The following GPHN variants were observed in gnomAD, a reference collection of about 807,000 sequenced individuals.
GPHN encodes the protein gephyrin.
In GPHN, 17 loss-of-function variants were observed where a neutral mutation model predicts 95.5. The ratio of observed to expected loss-of-function variants is 0.18; its 90% CI spans 0.12 to 0.27. The LOEUF is 0.27. GPHN is among the 10% of genes least tolerant of loss of function. GPHN has a pLI of 1.00. For missense variants in GPHN, 660 were observed against 978.1 expected, an observed-to-expected ratio of 0.67 and a Z score of 4.34; for synonymous variants, 320 against 322.5, an observed-to-expected ratio of 0.99 and a Z score of 0.08.
At chr14:66,942,518 T>C (rs927200914) in intron 8 of GPHN, among the ~76,000 whole-genome samples, 2 of 152,210 alleles carry the variant, frequency 1.3e-5, no homozygotes, top group Non-Finnish European at 2.9e-5. Flanking sequence ...AATAACAAAA[T>C]GTCCAGGGTA....
chr14:67,573,129 C>G, the GPHN span: 1 of 603,750 alleles, frequency 1.7e-6, no homozygotes, highest in Non-Finnish European at 3.0e-6. The surrounding 1 kb of genome is among the most constrained non-coding windows in gnomAD (Gnocchi z 4.8). Context: ...GGGCATGGTA[C>G]TCTGAAAATA....
intron 5 of GPHN, among the ~76,000 whole-genome samples, chr14:66,895,077 T>C (rs193061165): frequency 0.012 from 1,833 of 152,330 alleles, 19 homozygotes; most frequent in Non-Finnish European, 0.018. Context: ...ATTGCGGCAC[T>C]ATTCACAATA....
chr14:67,648,062 C>A, the GPHN span: 2 of 1,612,456 alleles, frequency 1.2e-6, no homozygotes, highest in Non-Finnish European at 1.7e-6. Context: ...AAAGACCAAT[C>A]CATTTGAGTT....
chr14:66,901,979 T>G (rs539561145), intron 5 of GPHN, among the ~76,000 whole-genome samples: 2 of 152,186 alleles, frequency 1.3e-5, no homozygotes, highest in East Asian at 3.9e-4. Context: ...TATGGTCATT[T>G]TAACAATATT....
intron 1 of GPHN, among the ~76,000 whole-genome samples, chr14:66,512,620 A>G (rs567005159): frequency 6.6e-6 from 1 of 151,920 alleles, no homozygotes; most frequent in Non-Finnish European, 1.5e-5. Context: ...AGATACTGGA[A>G]CAAATATAAG....
chr14:66,550,935 C>T (rs1446543079), intron 1 of GPHN: 1 of 153,042 alleles, frequency 6.5e-6, no homozygotes, highest in Non-Finnish European at 1.5e-5. Context: ...CGGCTCACTG[C>T]AAGCTCCACC....
At chr14:66,699,742 A>C (rs995703169) in intron 2 of GPHN, among the ~76,000 whole-genome samples, 3 of 152,102 alleles carry the variant, frequency 2.0e-5, no homozygotes, top group Non-Finnish European at 4.4e-5. Flanking sequence ...ATGGAATTAG[A>C]GAGAGAAAGG....
At chr14:66,801,569 C>T (rs2060348758) in intron 3 of GPHN, among the ~76,000 whole-genome samples, 1 of 147,302 alleles carries the variant, frequency 6.8e-6, no homozygotes, top group Admixed American at 6.8e-5. Context: ...CTCCCCGCTG[C>T]CCCTCTCCCC....
intron 3 of GPHN, among the ~76,000 whole-genome samples, chr14:66,804,085 A>G (rs2060457731): frequency 6.6e-6 from 1 of 151,926 alleles, no homozygotes; most frequent in Non-Finnish European, 1.5e-5. Context: ...ATTTTATGTT[A>G]TATGTAAAAG....
chr14:67,218,936 G>C, the GPHN span, among the ~76,000 whole-genome samples: 1 of 152,008 alleles, frequency 6.6e-6, no homozygotes, highest in East Asian at 1.9e-4. Flanking sequence ...TCCTGGCCCA[G>C]GTTCTGCACA....
At chr14:67,639,018 A>G in the GPHN span, among the ~76,000 whole-genome samples, 5 of 151,804 alleles carry the variant, frequency 3.3e-5, no homozygotes, top group African/African-American at 1.2e-4. Context: ...TTGGGAATTA[A>G]TCTGATGAAC....
chr14:66,612,926 A>T (rs529387005), intron 1 of GPHN, among the ~76,000 whole-genome samples: 99 of 152,160 alleles, frequency 6.5e-4, no homozygotes, highest in African/African-American at 2.1e-3. Flanking sequence ...TGACTGTTTT[A>T]TAATTTGTAT....
At chr14:66,905,438 T>C (rs886729832) in intron 5 of GPHN, among the ~76,000 whole-genome samples, 2 of 152,148 alleles carry the variant, frequency 1.3e-5, no homozygotes, top group African/African-American at 4.8e-5. Context: ...GTTTCATTGC[T>C]CTGTCCACTT....
chr14:66,964,444 A>G (rs977611642), intron 8 of GPHN, among the ~76,000 whole-genome samples: 5 of 152,210 alleles, frequency 3.3e-5, no homozygotes, highest in African/African-American at 1.2e-4. Context: ...GGAGAGTTCA[A>G]TAAGAACCTA....
chr14:66,808,660 G>A (rs1440483471), intron 3 of GPHN, among the ~76,000 whole-genome samples: 1 of 152,164 alleles, frequency 6.6e-6, no homozygotes, highest in Non-Finnish European at 1.5e-5. Context: ...AGCCGTGCGT[G>A]GTGGCCTGTG....
intron 9 of GPHN, among the ~76,000 whole-genome samples, chr14:66,982,769 G>T (rs529152087): frequency 2.6e-5 from 4 of 152,122 alleles, no homozygotes; most frequent in Admixed American, 2.0e-4. Flanking sequence ...TTATAATGCC[G>T]TGATAGTACA....
chr14:67,647,090 T>G, the GPHN span: 1 of 1,037,846 alleles, frequency 9.6e-7, no homozygotes, highest in South Asian at 1.3e-5. Context: ...GCCTGTTTCT[T>G]GAGGACAGCA....
At chr14:67,045,937 T>C (rs2074993750) in intron 10 of GPHN, among the ~76,000 whole-genome samples, 1 of 152,152 alleles carries the variant, frequency 6.6e-6, no homozygotes, top group South Asian at 2.1e-4. Flanking sequence ...TTGATCTACA[T>C]ACAGAATCCT....
chr14:67,720,262 G>A, the GPHN span, among the ~76,000 whole-genome samples: 1 of 152,042 alleles, frequency 6.6e-6, no homozygotes, highest in Admixed American at 6.6e-5. Context: ...ATTTGTAAGA[G>A]TTCTTTATCT....
Sources: gnomAD v4.1 joint callset for allele counts (sites outside exome capture counted in the v4.1 genomes callset) on GRCh38, gnomAD v4.1.1 for gene constraint, Gnocchi (gnomAD v3.1) non-coding constraint, MANE v1.5 for transcripts, NCBI Gene and HGNC (gene_info 2026-07-23, HGNC 2026-07-21) for gene names.